RFC3: variants seen among roughly 807,000 people sequenced by gnomAD.
RFC3 encodes replication factor C subunit 3.
In RFC3, 41 loss-of-function variants were observed where a neutral mutation model predicts 45.1. The observed-to-expected ratio is 0.91, with a 90% CI of 0.71 to 1.18. The LOEUF is 1.18. RFC3 is among the 50% of genes most tolerant of loss of function. The pLI is 0.00. For missense variants in RFC3, 423 were observed against 428.1 expected (o/e 0.99, Z 0.10); for synonymous variants, 149 against 144.0 (o/e 1.03, Z -0.25).
chr13:33,887,920 T>A (rs1395374993), intron 8 of RFC3, among the ~76,000 whole-genome samples: 1 of 152,198 alleles, frequency 6.6e-6, no homozygotes, highest in East Asian at 1.9e-4. Context: ...CTCAGGTTTG[T>A]CAAAGATCAG....
chr13:33,844,250 A>C (rs1392024664), intron 8 of RFC3, among the ~76,000 whole-genome samples: 1 of 152,162 alleles, frequency 6.6e-6, no homozygotes, highest in East Asian at 1.9e-4. Flanking sequence ...TTAATCCAAT[A>C]AGACAGTAAA....
intron 8 of RFC3, among the ~76,000 whole-genome samples, chr13:33,844,962 G>A (rs926096474): frequency 6.6e-5 from 10 of 152,140 alleles, no homozygotes; most frequent in Non-Finnish European, 2.9e-5. Context: ...TTGTATGATA[G>A]GCTTAGTGTT....
At chr13:33,940,468 A>T (rs758771269) in intron 8 of RFC3, among the ~76,000 whole-genome samples, 1 of 152,174 alleles carries the variant, frequency 6.6e-6, no homozygotes, top group Non-Finnish European at 1.5e-5. Context: ...ATTTTGGTAA[A>T]TGTTACATGT....
intron 8 of RFC3, among the ~76,000 whole-genome samples, chr13:33,894,214 A>G (rs922219224): frequency 6.6e-6 from 1 of 152,188 alleles, no homozygotes; most frequent in Non-Finnish European, 1.5e-5. Flanking sequence ...CCTCTGGGAT[A>G]TAGACCTCCA....
At chr13:33,972,415 C>A in the RFC3 span, among the ~76,000 whole-genome samples, 1 of 152,168 alleles carries the variant, frequency 6.6e-6, no homozygotes, top group South Asian at 2.1e-4. Flanking sequence ...ACAGACAACT[C>A]CACTTCTCCT....
At chr13:33,974,490 G>T in the RFC3 span, among the ~76,000 whole-genome samples, 1 of 152,036 alleles carries the variant, frequency 6.6e-6, no homozygotes, top group Non-Finnish European at 1.5e-5. Context: ...ATGGAATGAT[G>T]GTCCCTGAGT....
intron 8 of RFC3, among the ~76,000 whole-genome samples, chr13:33,905,660 A>G (rs2137682891): frequency 6.6e-6 from 1 of 152,208 alleles, no homozygotes; most frequent in South Asian, 2.1e-4. Flanking sequence ...TTGCTACAAT[A>G]TGAAGCTCAG....
rs1215650466 is a variant in RFC3, at chr13:33,836,287, A to G, written c.1063A>G (p.Met355Val). The G allele has an allele frequency of 3.1e-6, 5 of 1,612,650 alleles. No individual in the cohort carries two copies. The highest frequency in any genetic ancestry group is 3.3e-5 in the Admixed American group (2 of 59,960). Reference protein sequence around the residue: ...KFMEDGLEGMMF With the variant: ...KFMEDGLEGMVF ...CATGGAGGATGGATTGGAAGGCATG[A>G]TGTTCTGACTTCTGTCAGTTATTCT... Residue 355 changes from methionine to valine, a missense_variant, in exon 9 of 9, where the codon ATG becomes GTG. Physicochemically the swap from Met to Val is conservative, Grantham distance 21 (BLOSUM62 1). Transcript: ENST00000380071.
intron 7 of RFC3, among the ~76,000 whole-genome samples, chr13:33,834,642 C>T (rs974842067): frequency 5.3e-5 from 8 of 151,804 alleles, no homozygotes; most frequent in African/African-American, 1.9e-4. Context: ...ATATTTCATG[C>T]GTATATTATC....
At chr13:33,964,734 C>A (rs2083077282) in intron 8 of RFC3, among the ~76,000 whole-genome samples, 1 of 152,114 alleles carries the variant, frequency 6.6e-6, no homozygotes, top group African/African-American at 2.4e-5. Context: ...TGAATGGTGA[C>A]CCCCAAAAAT....
At chr13:33,948,131 T>TA (rs748882756) in intron 8 of RFC3, among the ~76,000 whole-genome samples, 28 of 152,136 alleles carry the variant, frequency 1.8e-4, no homozygotes, top group Non-Finnish European at 3.2e-4. Flanking sequence ...ACCTAAGAGG[T>TA]AAAAATGGTT....
intron 8 of RFC3, among the ~76,000 whole-genome samples, chr13:33,898,675 A>C (rs2082617392): frequency 6.6e-6 from 1 of 151,854 alleles, no homozygotes; most frequent in African/African-American, 2.4e-5. Context: ...AAATAAATGA[A>C]GTTGGGACTA....
chr13:33,913,690 G>A (rs79990640), intron 8 of RFC3, among the ~76,000 whole-genome samples: 4,033 of 152,080 alleles, frequency 0.027, 101 homozygotes, highest in African/African-American at 0.055. Context: ...GTGAAATATC[G>A]TATATGAAGT....
chr13:33,945,605 A>G (rs1214684257), intron 8 of RFC3, among the ~76,000 whole-genome samples: 1 of 152,132 alleles, frequency 6.6e-6, no homozygotes, highest in Admixed American at 6.5e-5. Flanking sequence ...TTAATTTCTC[A>G]AGTGATATTA....
intron 8 of RFC3, among the ~76,000 whole-genome samples, chr13:33,954,728 A>T (rs974328927): frequency 6.6e-6 from 1 of 152,146 alleles, no homozygotes; most frequent in Non-Finnish European, 1.5e-5. Flanking sequence ...GAGATTAGAG[A>T]GCAAGCTCAG....
At chr13:33,851,807 A>C (rs929063163) in intron 8 of RFC3, among the ~76,000 whole-genome samples, 2 of 152,204 alleles carry the variant, frequency 1.3e-5, no homozygotes, top group African/African-American at 4.8e-5. Flanking sequence ...TTGGCTCGTT[A>C]GGAAACTATT....
downstream of RFC3, among the ~76,000 whole-genome samples, chr13:33,967,157 TAAAAAATTAAAA>T (rs532943673): frequency 3.8e-4 from 57 of 151,536 alleles, no homozygotes; most frequent in African/African-American, 1.3e-3. Context: ...GACTCTACCT[TAAAAAATTAAAA>T]AAAAAATTTA....
At chr13:33,821,440 C>T (rs529164232) in intron 2 of RFC3, among the ~76,000 whole-genome samples, 171 bp downstream of exon 2, 1 of 152,200 alleles carries the variant, frequency 6.6e-6, no homozygotes, top group African/African-American at 2.4e-5. Flanking sequence ...CTGTTATAAC[C>T]AGAGCAAAGC....
chr13:33,862,523 C>T (rs139643405), intron 8 of RFC3, among the ~76,000 whole-genome samples: 53 of 152,048 alleles, frequency 3.5e-4, no homozygotes, highest in African/African-American at 1.3e-3. Flanking sequence ...CTGCTTTTGT[C>T]AATGATTTTA....
Sources: allele counts gnomAD v4.1 joint callset (sites outside exome capture counted in the v4.1 genomes callset), GRCh38; gene constraint gnomAD v4.1.1; transcripts MANE v1.5; gene names NCBI Gene and HGNC (gene_info 2026-07-23, HGNC 2026-07-21).